The following OSBP variants were observed in gnomAD, a reference collection of about 807,000 sequenced individuals.
OSBP encodes oxysterol binding protein.
In OSBP, 32 loss-of-function variants were observed where a neutral mutation model predicts 96.6. The ratio of observed to expected loss-of-function variants is 0.33; its 90% CI spans 0.25 to 0.45. The LOEUF (loss-of-function observed/expected upper bound fraction) is 0.45, where lower values mean the gene tolerates loss of function less well. Ranked by LOEUF, OSBP falls within the 20% of genes least tolerant of loss-of-function variation. The pLI, the probability that OSBP is intolerant of heterozygous loss-of-function variation, is 1.00. For missense variants in OSBP, 653 were observed against 1,029.7 expected, an observed-to-expected ratio of 0.63 and a Z score of 5.01; for synonymous variants, 369 against 389.6, an observed-to-expected ratio of 0.95 and a Z score of 0.62.
At chr11:59,579,863 C>A (rs1329918327) in intron 11 of OSBP, among the ~76,000 whole-genome samples, 1 of 151,874 alleles carries the variant, frequency 6.6e-6, no homozygotes, top group Non-Finnish European at 1.5e-5. Flanking sequence ...AGGCACGCGC[C>A]ACCACACCCA....
At position 59,608,574 on chromosome 11, in the gene OSBP, G is replaced by A; in HGVS notation, c.732C>T (p.Ser244=). The A allele has an allele frequency of 6.2e-7, 1 of 1,614,040 alleles. No homozygotes were observed. Among genetic ancestry groups the A allele is most frequent in the Non-Finnish European group, 8.5e-7 (1 of 1,179,950 alleles). The part of the protein sequence containing the change: ...ALQRSLSELE[S]LKLPAESNEK... ...CATTGCTCTCAGCAGGCAACTTCAG[G>A]GACTCCAGCTCACTGAGAGAACGCT... The change falls in exon 3 of 14, where the codon TCC becomes TCT. Residue 244 remains serine (S), a synonymous_variant. Coordinates refer to ENST00000263847, the MANE Select transcript of OSBP (RefSeq NM_002556.3).
At chr11:59,606,976 C>G (rs1860787492) in intron 3 of OSBP, among the ~76,000 whole-genome samples, 1 of 152,062 alleles carries the variant, frequency 6.6e-6, no homozygotes, top group Admixed American at 6.6e-5. Context: ...AAACTCTGGA[C>G]ACTTAGAACT....
intron 6 of OSBP, 68 bp from the exon 7 acceptor site, chr11:59,600,695 T>G (rs1860712611): frequency 1.3e-6 from 2 of 1,575,900 alleles, no homozygotes; most frequent in African/African-American, 1.4e-5. Context: ...TAACCTTCCC[T>G]TCCCCCGTGC....
At chr11:59,602,696 T>C (rs1201765399) in intron 3 of OSBP, among the ~76,000 whole-genome samples, 2 of 152,216 alleles carry the variant, frequency 1.3e-5, no homozygotes, top group African/African-American at 2.4e-5. Flanking sequence ...CACAGCTCAC[T>C]GCAGCCTCAA....
Position 59,576,434 on chromosome 11 carries a change from TG to T in OSBP, c.*142del. On this transcript the variant is annotated 3_prime_UTR_variant, in exon 14 of 14. Transcript: ENST00000263847. ...AATCACCACCACTGGTGTCTCCTTC[TG>T]GTGATTGATTTGGAAAAAATGATTG... 4 of 918,210 alleles carry T rather than the reference TG, an allele frequency of 4.4e-6. No homozygotes were observed. The highest frequency in any genetic ancestry group is 6.6e-6 in the Non-Finnish European group (4 of 605,966). 56.9% of individuals were successfully genotyped at this position (918,210 alleles called of 1,614,324 possible).
chr11:59,611,346 TTA>T (rs1255356853), intron 1 of OSBP, among the ~76,000 whole-genome samples: 1 of 152,168 alleles, frequency 6.6e-6, no homozygotes, highest in Non-Finnish European at 1.5e-5. Flanking sequence ...CAGTCAGGAA[TTA>T]TCTTTTACTT....
chr11:59,595,996 T>TAAATAAAA (rs1439236325), intron 7 of OSBP, among the ~76,000 whole-genome samples: 8 of 141,570 alleles, frequency 5.7e-5, no homozygotes, highest in Non-Finnish European at 1.1e-4. Flanking sequence ...AATAAATAAA[T>TAAATAAAA]AAAATTCATA....
chr11:59,596,317 T>C (rs1860654687), intron 7 of OSBP, among the ~76,000 whole-genome samples: 2 of 152,174 alleles, frequency 1.3e-5, no homozygotes, highest in Admixed American at 1.3e-4. Context: ...AACATTTCCA[T>C]ACATTTTGAG....
chr11:59,591,423 A>G (rs1472580246), intron 9 of OSBP, among the ~76,000 whole-genome samples: 1 of 152,144 alleles, frequency 6.6e-6, no homozygotes, highest in East Asian at 1.9e-4. Context: ...AGATACCACA[A>G]TTTGGTCAAG....
intron 9 of OSBP, among the ~76,000 whole-genome samples, chr11:59,583,786 CCCA>C (rs1042157350): frequency 2.0e-5 from 3 of 150,826 alleles, no homozygotes; most frequent in Admixed American, 1.3e-4. Flanking sequence ...GGTTAAGGTG[CCCA>C]CCACCACACC....
chr11:59,607,730 T>C (rs939995752), intron 3 of OSBP, among the ~76,000 whole-genome samples: 10 of 152,324 alleles, frequency 6.6e-5, no homozygotes, highest in African/African-American at 2.4e-4. Context: ...ATTCACTTCA[T>C]ACGTATCAAT....
intron 9 of OSBP, among the ~76,000 whole-genome samples, chr11:59,590,954 A>T (rs1860571300): frequency 6.6e-6 from 1 of 152,160 alleles, no homozygotes; most frequent in Admixed American, 6.6e-5. Flanking sequence ...TCTCCCCATG[A>T]AGATGGGGAT....
intron 6 of OSBP, 74 bp downstream of exon 6, chr11:59,600,745 C>CAAAAAAA: frequency 7.7e-7 from 1 of 1,298,136 alleles, no homozygotes; most frequent in Non-Finnish European, 1.1e-6. Flanking sequence ...TAGCACTTCA[C>CAAAAAAA]AAAAAAAAAA....
At chr11:59,579,943 C>T (rs906548229) in intron 11 of OSBP, among the ~76,000 whole-genome samples, 1 of 152,056 alleles carries the variant, frequency 6.6e-6, no homozygotes, top group African/African-American at 2.4e-5. Flanking sequence ...AACTCCTGAC[C>T]TCAGGCGATC....
rs1860617734 is a variant in OSBP at position 59,594,005 on chromosome 11, T to C, written c.1557+5A>G. Reference sequence around the variant, plus strand: ...AAATGCGTTATGGTTCTGAGGTTCCTTTACCTGTTCACAGAGGGATCGGTA... The same window carrying C: ...AAATGCGTTATGGTTCTGAGGTTCCCTTACCTGTTCACAGAGGGATCGGTA... On this transcript the variant is annotated splice_donor_5th_base_variant and intron_variant, in intron 8 of 13. Transcript: ENST00000263847. 1 of 1,613,838 alleles carries C rather than the reference T, an allele frequency of 6.2e-7. No homozygotes were observed. Among genetic ancestry groups the C allele is most frequent in the African/African-American group, 1.3e-5 (1 of 74,936 alleles).
intron 7 of OSBP, among the ~76,000 whole-genome samples, chr11:59,599,940 GA>G (rs1404912727): frequency 6.6e-6 from 1 of 152,180 alleles, no homozygotes; most frequent in South Asian, 2.1e-4. Context: ...GCTGAGGACT[GA>G]CATGACTACA....
At chr11:59,590,267 CCTTAT>C (rs886885595) in intron 9 of OSBP, among the ~76,000 whole-genome samples, 3 of 152,140 alleles carry the variant, frequency 2.0e-5, no homozygotes, top group African/African-American at 4.8e-5. Context: ...CTTAAAACTG[CCTTAT>C]CTTGTCAGAC....
At chr11:59,598,168 T>C (rs768805201) in intron 7 of OSBP, among the ~76,000 whole-genome samples, 2 of 152,218 alleles carry the variant, frequency 1.3e-5, no homozygotes, top group African/African-American at 2.4e-5. Context: ...ATAAACCTAT[T>C]TGTTTTCCAA....
intron 1 of OSBP, among the ~76,000 whole-genome samples, chr11:59,612,612 G>A (rs550007796): frequency 1.3e-5 from 2 of 152,244 alleles, no homozygotes; most frequent in South Asian, 4.1e-4. Context: ...ACTTGATCTC[G>A]GAGCTCTTGA....
Sources: allele counts gnomAD v4.1 joint callset (sites outside exome capture counted in the v4.1 genomes callset), GRCh38; gene constraint gnomAD v4.1.1; transcripts MANE v1.5; gene names NCBI Gene and HGNC (gene_info 2026-07-23, HGNC 2026-07-21).